RAB30: variants seen among roughly 807,000 people sequenced by gnomAD.
The protein encoded by RAB30 is RAB30, member RAS oncogene family.
RAB30 carries 9 observed loss-of-function variants against 25.1 expected under a neutral mutation model. The ratio of observed to expected loss-of-function variants is 0.36; its 90% CI spans 0.22 to 0.63. The LOEUF (loss-of-function observed/expected upper bound fraction) is 0.63, where lower values mean the gene tolerates loss of function less well. Ranked by LOEUF, RAB30 falls within the 20% of genes least tolerant of loss-of-function variation. The pLI is 0.69. For synonymous variants in RAB30, 77 were observed against 86.4 expected (o/e 0.89, Z 0.60); for missense variants, 140 against 243.5 (o/e 0.58, Z 2.83).
chr11:83,021,698 A>T (rs891716962), intron 1 of RAB30, among the ~76,000 whole-genome samples: 6 of 152,238 alleles, frequency 3.9e-5, no homozygotes, highest in African/African-American at 1.4e-4. Context: ...GAACAAGCCC[A>T]GAAGGCCTGA....
At chr11:82,983,595 C>T (rs1367614482) in intron 4 of RAB30, among the ~76,000 whole-genome samples, 1 of 34,260 alleles carries the variant, frequency 2.9e-5, no homozygotes, top group African/African-American at 1.6e-4. Flanking sequence ...CCATGCCCAG[C>T]TAATTTTTTT....
rs1856658698 is a variant in RAB30 at position 82,982,429 on chromosome 11, A to C, written c.362-14T>G. 6.2e-7 allele frequency: 1 copy of C among 1,607,352 alleles called. No homozygotes were observed. Among genetic ancestry groups the C allele is most frequent in the African/African-American group, 1.3e-5 (1 of 74,684 alleles). ...CAATCTTGTTGCCTATAACAGTAGT[A>C]AAATCAAATAAAGAATCAGCATTTG... On this transcript the variant is annotated splice_polypyrimidine_tract_variant and intron_variant, in intron 4 of 4. Transcript: ENST00000527633.
At chr11:83,004,460 C>T (rs116511021) in intron 1 of RAB30, among the ~76,000 whole-genome samples, 5,359 of 152,228 alleles carry the variant, frequency 0.035, 332 homozygotes, top group African/African-American at 0.12. Flanking sequence ...AGGCATAACA[C>T]CATGCTTGCC....
At chr11:83,032,460 G>A (rs762212141) in intron 1 of RAB30, among the ~76,000 whole-genome samples, 2 of 152,120 alleles carry the variant, frequency 1.3e-5, no homozygotes, top group Non-Finnish European at 2.9e-5. Flanking sequence ...TACAAATAAT[G>A]TTCCATCTGA....
intron 3 of RAB30, among the ~76,000 whole-genome samples, chr11:82,991,734 C>T (rs1023784653): frequency 1.3e-5 from 2 of 152,082 alleles, no homozygotes; most frequent in Non-Finnish European, 2.9e-5. Flanking sequence ...CCAACTGTCA[C>T]TTTTTATAGA....
At chr11:83,002,873 C>T (rs1269657814) in intron 1 of RAB30, among the ~76,000 whole-genome samples, 1 of 152,186 alleles carries the variant, frequency 6.6e-6, no homozygotes, top group Non-Finnish European at 1.5e-5. Flanking sequence ...CCCTTTGGGG[C>T]TCAATATAAC....
intron 1 of RAB30, among the ~76,000 whole-genome samples, chr11:83,024,015 C>T (rs747216089): frequency 6.6e-5 from 10 of 152,156 alleles, no homozygotes; most frequent in Non-Finnish European, 1.3e-4. Flanking sequence ...CAATTATTTA[C>T]TTATAAGACT....
In RAB30 at chr11:82,982,388, C is replaced by T. The variant is rs746625629; in HGVS notation, c.389G>A (p.Arg130Lys). 1.2e-6 allele frequency: 2 copies of T among 1,613,960 alleles called. No homozygotes were observed. The highest frequency in any genetic ancestry group is 1.7e-5 in the Admixed American group (1 of 60,028). Residue 130 changes from arginine to lysine, a missense_variant, in exon 5 of 5, where the codon AGA (arginine) becomes AAA (lysine). Arg to Lys is a conservative substitution (Grantham distance 26, BLOSUM62 2). Transcript: ENST00000527633. The part of the protein sequence containing the change: ...VGNKIDLAER[R>K]EVSQQRAEEF... ...TTCAGCTCGCTGCTGGGAAACCTCTCTCCTTTCAGCCAGGTCAATCTTGTT... is the reference window on the plus strand; with the variant it reads ...TTCAGCTCGCTGCTGGGAAACCTCTTTCCTTTCAGCCAGGTCAATCTTGTT...
At chr11:83,017,043 T>G (rs538574419) in intron 1 of RAB30, among the ~76,000 whole-genome samples, 21 of 152,148 alleles carry the variant, frequency 1.4e-4, no homozygotes, top group African/African-American at 3.1e-4. Context: ...TTCAGTGACT[T>G]AATAAGGTAT....
chr11:83,023,646 G>A (rs1394566113), intron 1 of RAB30, among the ~76,000 whole-genome samples: 1 of 152,074 alleles, frequency 6.6e-6, no homozygotes, highest in Non-Finnish European at 1.5e-5. Flanking sequence ...TCCAAAACAC[G>A]TGCTGGCTCA....
chr11:83,012,010 G>A (rs1312208620), intron 1 of RAB30, among the ~76,000 whole-genome samples: 1 of 152,184 alleles, frequency 6.6e-6, no homozygotes, highest in Non-Finnish European at 1.5e-5. Context: ...TGAGTCTGTT[G>A]TCACCACTGA....
intron 1 of RAB30, among the ~76,000 whole-genome samples, chr11:83,009,327 A>T (rs1745036420): frequency 6.6e-6 from 1 of 152,180 alleles, no homozygotes; most frequent in Non-Finnish European, 1.5e-5. Flanking sequence ...CGGCCTCCCA[A>T]AGTGCTGGAA....
intron 1 of RAB30, among the ~76,000 whole-genome samples, chr11:83,063,020 A>AG (rs1289815760): frequency 6.6e-6 from 1 of 150,468 alleles, no homozygotes; most frequent in Non-Finnish European, 1.5e-5. Context: ...AAAAAAAAAA[A>AG]GATAAGTTGT....
intron 1 of RAB30, chr11:83,041,559 C>T: frequency 1.1e-5 from 2 of 180,876 alleles, no homozygotes; most frequent in East Asian, 1.4e-4. Flanking sequence ...ACACCAGGCC[C>T]CAAAGAGGAA....
intron 1 of RAB30, among the ~76,000 whole-genome samples, chr11:83,007,666 A>C (rs895552225): frequency 3.3e-5 from 5 of 152,150 alleles, no homozygotes; most frequent in Admixed American, 6.5e-5. Context: ...AAGAGAAGGG[A>C]AGAGGCCACC....
intron 1 of RAB30, chr11:83,060,080 TA>T (rs945907289): frequency 6.6e-6 from 1 of 152,128 alleles, no homozygotes; most frequent in African/African-American, 2.4e-5. Flanking sequence ...TACACACCTG[TA>T]ATCCCAGCTA....
At chr11:83,002,044 C>T (rs1857097800) in intron 1 of RAB30, among the ~76,000 whole-genome samples, 2 of 152,170 alleles carry the variant, frequency 1.3e-5, no homozygotes, top group Admixed American at 6.5e-5. Flanking sequence ...TAAAATCACA[C>T]AGCTAGTTAG....
intron 1 of RAB30, among the ~76,000 whole-genome samples, chr11:83,044,885 G>A (rs1211483360): frequency 6.6e-6 from 1 of 152,160 alleles, no homozygotes; most frequent in African/African-American, 2.4e-5. Flanking sequence ...CACATACAGA[G>A]AGAATCTTCC....
intron 1 of RAB30, among the ~76,000 whole-genome samples, chr11:83,013,316 C>T (rs60662265): frequency 0.033 from 5,050 of 152,188 alleles, 142 homozygotes; most frequent in East Asian, 0.074. Flanking sequence ...AACTCCTGAC[C>T]TCAAGTGATT....
Sources: gnomAD v4.1 joint callset for allele counts (sites outside exome capture counted in the v4.1 genomes callset) on GRCh38, gnomAD v4.1.1 for gene constraint, MANE v1.5 for transcripts, NCBI Gene and HGNC (gene_info 2026-07-23, HGNC 2026-07-21) for gene names.